KIF13A: variants seen among roughly 807,000 people sequenced by gnomAD.
KIF13A encodes the protein kinesin family member 13A.
In KIF13A, 79 loss-of-function variants were observed where a neutral mutation model predicts 212.2. That is an observed-to-expected ratio of 0.37 (90% confidence interval 0.31 to 0.45). The LOEUF is 0.45. KIF13A is among the 20% of genes least tolerant of loss of function. The pLI is 1.00. For synonymous variants in KIF13A, 789 were observed against 808.6 expected (o/e 0.98, Z 0.41); for missense variants, 1,901 against 2,209.0 (o/e 0.86, Z 2.79).
Position 17,982,856 on chromosome 6 carries a change from C to G in KIF13A, c.146+4198G>C, listed in dbSNP as rs1332616830. On this transcript the variant is annotated intron_variant, in intron 2 of 38. Transcript: ENST00000259711. This position sits in a 1 kb window ranked among gnomAD's most constrained non-coding sequence, Gnocchi z 5.1. ...TGAATGTAAAAAAGAATGAGTAAGT[C>G]TTAATATGCTGATATTGAAAGATAC... 6.6e-6 allele frequency among the ~76,000 whole-genome samples: 1 copy of G among 152,120 alleles called. No individual in the cohort carries two copies. The highest frequency in any genetic ancestry group is 1.5e-5 in the Non-Finnish European group (1 of 68,022).
intron 2 of KIF13A, among the ~76,000 whole-genome samples, chr6:17,941,929 G>A (rs1231980260): frequency 2.0e-5 from 3 of 151,734 alleles, no homozygotes; most frequent in East Asian, 1.9e-4. Context: ...GAAAGTTTAC[G>A]GTGAGTGTTA....
At position 17,811,449 on chromosome 6, in the gene KIF13A, T is replaced by C. The variant is rs1470524692; in HGVS notation, c.2001-2519A>G. 2.0e-5 allele frequency among the ~76,000 whole-genome samples: 3 copies of C among 152,270 alleles called. No homozygotes were observed. The highest frequency in any genetic ancestry group is 7.2e-5 in the African/African-American group (3 of 41,474). On this transcript the variant is annotated intron_variant, in intron 17 of 38. Transcript: ENST00000259711. The surrounding 1 kb of genome is among the most constrained non-coding windows in gnomAD (Gnocchi z 6.0). The stretch of plus-strand genomic sequence containing the variant: ...TATATAATCCTAACGTTTCCTATTG[T>C]TGAATGAAACTGTTCTTTAATTTTC...
chr6:17,965,159 G>A (rs972258518), intron 2 of KIF13A, among the ~76,000 whole-genome samples: 2 of 152,076 alleles, frequency 1.3e-5, no homozygotes, highest in African/African-American at 4.8e-5. Flanking sequence ...AAACACATGT[G>A]TCCCAAATGA....
Position 17,968,888 on chromosome 6 carries a change from G to A in KIF13A, c.146+18166C>T, listed in dbSNP as rs1779557779. 6.6e-6 allele frequency among the ~76,000 whole-genome samples: 1 copy of A among 152,238 alleles called. No homozygotes were observed. The highest frequency in any genetic ancestry group is 2.4e-5 in the African/African-American group (1 of 41,458). On this transcript the variant is annotated intron_variant, in intron 2 of 38. Coordinates refer to ENST00000259711, the MANE Select transcript of KIF13A (RefSeq NM_022113.6). This position sits in a 1 kb window ranked among gnomAD's most constrained non-coding sequence, Gnocchi z 4.7. ...CACTAGAACCACCAGTGATGTGACAGACACAACCTGAGGACTTTCTACCCA... is the reference window on the plus strand; with the variant it reads ...CACTAGAACCACCAGTGATGTGACAAACACAACCTGAGGACTTTCTACCCA...
In KIF13A at chr6:17,774,999, G is replaced by T. The variant is rs1759818556; in HGVS notation, c.4218+16C>A. On this transcript the variant is annotated intron_variant, in intron 35 of 38. Coordinates refer to ENST00000259711, the MANE Select transcript of KIF13A (RefSeq NM_022113.6). Reference sequence around the variant, plus strand: ...AAGATTCTACTAAAAACCTAGCCATGCCCATAGGTGCATACCTTGTCATCT... The same window carrying T: ...AAGATTCTACTAAAAACCTAGCCATTCCCATAGGTGCATACCTTGTCATCT... 1.9e-6 allele frequency: 3 copies of T among 1,603,376 alleles called. No individual in the cohort carries two copies. Among genetic ancestry groups the T allele is most frequent in the Non-Finnish European group, 2.6e-6 (3 of 1,173,438 alleles).
At chr6:17,948,852 C>A (rs940933511) in intron 2 of KIF13A, among the ~76,000 whole-genome samples, 1 of 151,998 alleles carries the variant, frequency 6.6e-6, no homozygotes, top group African/African-American at 2.4e-5. Context: ...AAGCATGAGC[C>A]ACCTCGCCTG....
chr6:17,980,679 A>T (rs1780985913), intron 2 of KIF13A, among the ~76,000 whole-genome samples: 1 of 152,210 alleles, frequency 6.6e-6, no homozygotes, highest in African/African-American at 2.4e-5. Context: ...AAGAAAAATG[A>T]GGGAAAAAAG....
At position 17,968,032 on chromosome 6, in the gene KIF13A, A is replaced by G. The variant is rs1371366933; in HGVS notation, c.146+19022T>C. ...TACATTCTTGGACGGCATACTGAGA[A>G]TTGCCCACAATGCTGAGAACCCCTG... On this transcript the variant is annotated intron_variant, in intron 2 of 38. Coordinates refer to ENST00000259711, the MANE Select transcript of KIF13A (RefSeq NM_022113.6). The surrounding 1 kb of genome is among the most constrained non-coding windows in gnomAD (Gnocchi z 4.7). Among the ~76,000 whole-genome samples, 8 of 152,202 alleles carry G rather than the reference A, an allele frequency of 5.3e-5. No homozygotes were observed. Among genetic ancestry groups the G allele is most frequent in the African/African-American group, 1.7e-4 (7 of 41,446 alleles).
At chr6:17,774,812 A>G (rs1759800203) in intron 35 of KIF13A, among the ~76,000 whole-genome samples, 1 of 151,890 alleles carries the variant, frequency 6.6e-6, no homozygotes, top group Non-Finnish European at 1.5e-5. Context: ...ATATCACATC[A>G]AGTATTTGAA....
intron 9 of KIF13A, among the ~76,000 whole-genome samples, chr6:17,846,208 A>C (rs1350469008): frequency 2.0e-5 from 3 of 151,944 alleles, no homozygotes; most frequent in African/African-American, 7.2e-5. Context: ...CACCTGCCTC[A>C]GCCTCCCAAA....
At position 17,915,625 on chromosome 6, in the gene KIF13A, T is replaced by C. The variant is rs1774427037; in HGVS notation, c.147-17445A>G. 6.6e-6 allele frequency among the ~76,000 whole-genome samples: 1 copy of C among 152,076 alleles called. No homozygotes were observed. Among genetic ancestry groups the C allele is most frequent in the African/African-American group, 2.4e-5 (1 of 41,402 alleles). On this transcript the variant is annotated intron_variant, in intron 2 of 38. Transcript: ENST00000259711. The surrounding 1 kb of genome is among the most constrained non-coding windows in gnomAD (Gnocchi z 4.4). ...TCTGTAGGACATCACTGCAGAACCA[T>C]GTAGTTTCAATGTCACATCGAGTTG...
chr6:17,923,455 C>T (rs758590964), intron 2 of KIF13A, among the ~76,000 whole-genome samples: 44 of 151,640 alleles, frequency 2.9e-4, no homozygotes, highest in Middle Eastern at 6.9e-3. Context: ...AGTAAGTCTT[C>T]ACAATTAAAA....
rs770798747 is a variant in KIF13A, at chr6:17,967,770, C to T, written c.146+19284G>A. On this transcript the variant is annotated intron_variant, in intron 2 of 38. Transcript: ENST00000259711. This position sits in a 1 kb window ranked among gnomAD's most constrained non-coding sequence, Gnocchi z 4.1. ...TGCTCTGATTTCTGAACCAAGAAGGCTCAACCATGGGACTAGGACCCGCTG... is the reference window on the plus strand; with the variant it reads ...TGCTCTGATTTCTGAACCAAGAAGGTTCAACCATGGGACTAGGACCCGCTG... Among the ~76,000 whole-genome samples the T allele has an allele frequency of 3.3e-5, 5 of 152,164 alleles. No individual in the cohort carries two copies. The highest frequency in any genetic ancestry group is 1.3e-4 in the Admixed American group (2 of 15,270).
At chr6:17,775,573 G>A (rs1013449499) in intron 34 of KIF13A, among the ~76,000 whole-genome samples, 3 of 152,074 alleles carry the variant, frequency 2.0e-5, no homozygotes, top group African/African-American at 7.3e-5. Context: ...CCAATTTTTT[G>A]ATACTGTGAA....
chr6:17,896,813 TG>T (rs1772609673), intron 3 of KIF13A, among the ~76,000 whole-genome samples: 1 of 152,204 alleles, frequency 6.6e-6, no homozygotes, highest in Non-Finnish European at 1.5e-5. Flanking sequence ...CAGGCATATG[TG>T]GAGTTGCGCA....
intron 2 of KIF13A, among the ~76,000 whole-genome samples, chr6:17,979,392 C>T (rs1393953380): frequency 2.6e-5 from 4 of 152,074 alleles, no homozygotes; most frequent in Non-Finnish European, 4.4e-5. Flanking sequence ...TAGCATTCAT[C>T]GATGTTCTTA....
chr6:17,858,079 TTATG>T (rs201594602), intron 4 of KIF13A, among the ~76,000 whole-genome samples: 5,112 of 112,396 alleles, frequency 0.045, 292 homozygotes, highest in African/African-American at 0.18. Context: ...TGTCAAATAG[TTATG>T]TGTGTGTGTG....
At chr6:17,908,372 G>A (rs1389076431) in intron 2 of KIF13A, among the ~76,000 whole-genome samples, 1 of 152,194 alleles carries the variant, frequency 6.6e-6, no homozygotes, top group Non-Finnish European at 1.5e-5. Context: ...GGTCACAATG[G>A]GAGGACTGCT....
chr6:17,944,088 G>C (rs958621227), intron 2 of KIF13A, among the ~76,000 whole-genome samples: 1 of 152,088 alleles, frequency 6.6e-6, no homozygotes, highest in Non-Finnish European at 1.5e-5. Context: ...ATCTATACAG[G>C]GTAATCAATT....
Sources: gnomAD v4.1 joint callset for allele counts (sites outside exome capture counted in the v4.1 genomes callset) on GRCh38, gnomAD v4.1.1 for gene constraint, Gnocchi (gnomAD v3.1) non-coding constraint, MANE v1.5 for transcripts, NCBI Gene and HGNC (gene_info 2026-07-23, HGNC 2026-07-21) for gene names.